PTPRK: variants seen among roughly 807,000 people sequenced by gnomAD.
PTPRK encodes protein tyrosine phosphatase receptor type K.
A neutral mutation model predicts 178.0 loss-of-function variants in PTPRK; 75 were observed. The observed-to-expected ratio is 0.42, with a 90% confidence interval of 0.35 to 0.51. The LOEUF is 0.51. Ranked by LOEUF, PTPRK falls within the 20% of genes least tolerant of loss-of-function variation. PTPRK has a pLI of 0.02. For missense variants in PTPRK, 1,441 were observed against 1,797.8 expected (o/e 0.80, Z 3.59); for synonymous variants, 637 against 620.6 (o/e 1.03, Z -0.39).
chr6:128,105,284 C>T (rs1018319330), intron 7 of PTPRK, among the ~76,000 whole-genome samples: 6 of 152,258 alleles, frequency 3.9e-5, no homozygotes, highest in African/African-American at 1.4e-4. Context: ...CAGGCGCCCG[C>T]CACCACGCCC....
intron 7 of PTPRK, among the ~76,000 whole-genome samples, chr6:128,146,686 C>T (rs1242684435): frequency 6.6e-6 from 1 of 152,014 alleles, no homozygotes; most frequent in Non-Finnish European, 1.5e-5. Flanking sequence ...CCTCAACCTC[C>T]CAAAGTGCTG....
At chr6:128,281,156 C>G (rs1237703960) in intron 3 of PTPRK, among the ~76,000 whole-genome samples, 1 of 152,158 alleles carries the variant, frequency 6.6e-6, no homozygotes, top group African/African-American at 2.4e-5. Context: ...ATGATCCACT[C>G]TGCTGAACCC....
intron 1 of PTPRK, among the ~76,000 whole-genome samples, chr6:128,406,921 T>TA (rs1841720758): frequency 6.6e-6 from 1 of 152,196 alleles, no homozygotes; most frequent in Non-Finnish European, 1.5e-5. Flanking sequence ...ATGGCCATTC[T>TA]AACCTAACAA....
chr6:128,349,980 G>A lies in PTPRK; in HGVS notation c.224-27670C>T, dbSNP rs188840346. ...TACAGGTATGAACCATTACTGTCCC[G>A]GGAAGAATAGCACATATGGGCAATC... On this transcript the variant is annotated intron_variant, in intron 2 of 29. Transcript: ENST00000368226. 1.2e-4 allele frequency among the ~76,000 whole-genome samples: 18 copies of A among 152,146 alleles called. No homozygotes were observed. In the East Asian group the frequency reaches 2.5e-3, roughly 21 times the overall value.
At chr6:128,126,228 C>T (rs1469273365) in intron 7 of PTPRK, among the ~76,000 whole-genome samples, 1 of 152,098 alleles carries the variant, frequency 6.6e-6, no homozygotes, top group Non-Finnish European at 1.5e-5. Flanking sequence ...GCCCCCAACT[C>T]TCTGACAGGC....
chr6:128,082,492 G>A lies in PTPRK; in HGVS notation c.1722C>T (p.Ser574=), dbSNP rs751983255. The A allele has an allele frequency of 1.4e-5, 22 of 1,613,394 alleles. No homozygotes were observed. The highest frequency in any genetic ancestry group is 3.3e-4 in the Middle Eastern group (2 of 6,058). Residue 574 remains serine (S), a synonymous_variant, in exon 10 of 30, where the codon AGC becomes AGT. Coordinates refer to ENST00000368226, the MANE Select transcript of PTPRK (RefSeq NM_002844.4). ...TGGCTGGACCAAAGCCTTTGACCGTGCTGGCTCTTATGAAAAACTGGTACG... is the reference window on the plus strand; with the variant it reads ...TGGCTGGACCAAAGCCTTTGACCGTACTGGCTCTTATGAAAAACTGGTACG... ...GTTYQFFIRA[S]TVKGFGPATA...
At position 128,009,217 on chromosome 6, in the gene PTPRK, T is replaced by C; in HGVS notation, c.2246A>G (p.Asp749Gly). 1 of 1,609,256 alleles carries C rather than the reference T, an allele frequency of 6.2e-7. No homozygotes were observed. The highest frequency in any genetic ancestry group is 8.5e-7 in the Non-Finnish European group (1 of 1,176,966). Residue 749 changes from aspartate (D) to glycine (G), a missense_variant, in exon 14 of 30, where the codon GAC becomes GGC. Transcript: ENST00000368226. ...AATTCCTGCTATTTTCACCACTCTG[T>C]CTGTCTGCTTGGCGGGATCTGGGAT... ...EVIPDPAKQTDRVVKIAGISA... is the reference protein window; with the variant it reads ...EVIPDPAKQTGRVVKIAGISA...
chr6:128,297,523 G>C (rs1824695413), intron 3 of PTPRK, among the ~76,000 whole-genome samples: 1 of 152,084 alleles, frequency 6.6e-6, no homozygotes, highest in Non-Finnish European at 1.5e-5. Flanking sequence ...ATAACAAACT[G>C]TCTCTCAGAC....
intron 2 of PTPRK, among the ~76,000 whole-genome samples, chr6:128,363,115 ATTTTG>A (rs1834995842): frequency 6.6e-6 from 1 of 152,174 alleles, no homozygotes; most frequent in Non-Finnish European, 1.5e-5. Context: ...TGCAACATTT[ATTTTG>A]TGTTACACAT....
chr6:128,284,501 C>A (rs1414941201), intron 3 of PTPRK, among the ~76,000 whole-genome samples: 1 of 152,180 alleles, frequency 6.6e-6, no homozygotes, highest in Non-Finnish European at 1.5e-5. Context: ...ATGTGGTACC[C>A]TGCTTCAAAT....
At chr6:128,385,966 A>G (rs1838653563) in intron 2 of PTPRK, among the ~76,000 whole-genome samples, 1 of 152,228 alleles carries the variant, frequency 6.6e-6, no homozygotes, top group African/African-American at 2.4e-5. Flanking sequence ...AATATAACTT[A>G]AAGGAACTCA....
In PTPRK at chr6:127,969,824, T is replaced by C. The variant is rs2114593722; in HGVS notation, c.*403A>G. On this transcript the variant is annotated 3_prime_UTR_variant, in exon 30 of 30. Transcript: ENST00000368226. ...AATTTGCACAGCTTTTCTTTTCTTC[T>C]TCCTTTTAAGATTCATCAGCTTTCA... 6.5e-6 allele frequency: 1 copy of C among 153,952 alleles called. No homozygotes were observed. Among genetic ancestry groups the C allele is most frequent in the African/African-American group, 2.4e-5 (1 of 41,658 alleles). The allele number at this position is 153,952 out of a possible 1,614,324, so 9.5% of individuals were successfully genotyped here. A position where few individuals can be genotyped will look rare whatever the true frequency, so the allele number is the denominator to read the frequency against.
Position 127,996,891 on chromosome 6 carries a change from G to A in PTPRK, c.2767+10C>T, listed in dbSNP as rs749825383. Reference sequence around the variant, plus strand: ...TATTTACATTCACCAAGAATTGAATGGGAACTTACATGCTATAATGTTTCC... The same window carrying A: ...TATTTACATTCACCAAGAATTGAATAGGAACTTACATGCTATAATGTTTCC... On this transcript the variant is annotated intron_variant, in intron 17 of 29. Coordinates refer to ENST00000368226, the MANE Select transcript of PTPRK (RefSeq NM_002844.4). 4.5e-5 allele frequency: 72 copies of A among 1,606,408 alleles called. No individual in the cohort carries two copies. The highest frequency in any genetic ancestry group is 5.4e-5 in the Non-Finnish European group (64 of 1,176,014).
At chr6:128,312,958 T>A (rs1584090743) in intron 3 of PTPRK, among the ~76,000 whole-genome samples, 4 of 152,100 alleles carry the variant, frequency 2.6e-5, no homozygotes, top group African/African-American at 9.7e-5. Flanking sequence ...CATTAACAAA[T>A]AATATTAAAG....
At chr6:128,491,714 T>TC in intron 1 of PTPRK, 1 of 494,206 alleles carries the variant, frequency 2.0e-6, no homozygotes, top group South Asian at 1.5e-5. Context: ...TAATCTATCA[T>TC]TTTTTTTCTC....
intron 5 of PTPRK, among the ~76,000 whole-genome samples, chr6:128,228,302 CA>C (rs1314986917): frequency 6.6e-6 from 1 of 151,648 alleles, no homozygotes; most frequent in Non-Finnish European, 1.5e-5. Flanking sequence ...ACAGAGAAAA[CA>C]GAAGTCTCTA....
intron 3 of PTPRK, among the ~76,000 whole-genome samples, chr6:128,259,919 G>A (rs1738279): frequency 0.045 from 6,868 of 152,150 alleles, 518 homozygotes; most frequent in African/African-American, 0.16. Context: ...CATAACATAT[G>A]TAAAGCAAAC....
chr6:128,214,980 A>G (rs1014780771), intron 6 of PTPRK, among the ~76,000 whole-genome samples: 5 of 152,192 alleles, frequency 3.3e-5, no homozygotes, highest in African/African-American at 1.2e-4. Flanking sequence ...GGAACAGACT[A>G]AAATATTAAC....
chr6:128,398,238 G>A (rs1051596049), intron 1 of PTPRK, among the ~76,000 whole-genome samples: 2 of 152,206 alleles, frequency 1.3e-5, no homozygotes, highest in Non-Finnish European at 2.9e-5. Flanking sequence ...TCATGTAAAT[G>A]AAGTGGTGGC....
Sources: gnomAD v4.1 joint callset for allele counts (sites outside exome capture counted in the v4.1 genomes callset) on GRCh38, gnomAD v4.1.1 for gene constraint, MANE v1.5 for transcripts, NCBI Gene and HGNC (gene_info 2026-07-23, HGNC 2026-07-21) for gene names.